SHB: variants seen among roughly 807,000 people sequenced by gnomAD.
The protein encoded by SHB is SH2 domain-containing adapter protein B.
Under a neutral mutation model 52.3 loss-of-function variants are expected in SHB, and 20 were observed. That is an observed-to-expected ratio of 0.38 (90% CI 0.27 to 0.56). The LOEUF is 0.56. SHB is among the 20% of genes least tolerant of loss of function. The pLI is 0.71. For synonymous variants in SHB, 397 were observed against 316.5 expected (o/e 1.25, Z -2.70); for missense variants, 825 against 723.3 (o/e 1.14, Z -1.61).
chr9:38,044,621 C>T (rs370243594), intron 1 of SHB, among the ~76,000 whole-genome samples: 7 of 152,364 alleles, frequency 4.6e-5, no homozygotes, highest in Admixed American at 2.0e-4. Context: ...CACCAAAAGG[C>T]AGGCAGCACA....
At chr9:38,037,857 T>C (rs530857707) in intron 1 of SHB, among the ~76,000 whole-genome samples, 42 of 152,164 alleles carry the variant, frequency 2.8e-4, no homozygotes, top group Non-Finnish European at 5.4e-4. Context: ...CATTGGGGGA[T>C]AGCCACAGGC....
At chr9:37,956,185 T>C (rs1222928364) in intron 3 of SHB, 131 bp from the exon 4 acceptor site, 2 of 787,384 alleles carry the variant, frequency 2.5e-6, no homozygotes, top group African/African-American at 3.5e-5. Flanking sequence ...TTTCAAGCAA[T>C]GACATAACAT....
intron 1 of SHB, among the ~76,000 whole-genome samples, chr9:38,029,115 C>T (rs576061505): frequency 3.3e-5 from 5 of 152,280 alleles, no homozygotes; most frequent in South Asian, 2.1e-4. Context: ...GATTCTAGTC[C>T]ACCACAGCCT....
intron 5 of SHB, among the ~76,000 whole-genome samples, chr9:37,927,234 G>A (rs1226367489): frequency 6.6e-6 from 1 of 152,230 alleles, no homozygotes; most frequent in African/African-American, 2.4e-5. Flanking sequence ...AATAGTCAAG[G>A]CAGCTGGGAT....
chr9:38,007,231 A>C (rs1162666879), intron 2 of SHB, among the ~76,000 whole-genome samples: 1 of 152,224 alleles, frequency 6.6e-6, no homozygotes, highest in Non-Finnish European at 1.5e-5. Context: ...AGAATGGGAG[A>C]GGCTGCTTAT....
chr9:38,036,153 T>G (rs1283275523), intron 1 of SHB, among the ~76,000 whole-genome samples: 1 of 152,058 alleles, frequency 6.6e-6, no homozygotes, highest in African/African-American at 2.4e-5. Flanking sequence ...ATACCAGGCC[T>G]TCTTGCTCAA....
intron 3 of SHB, among the ~76,000 whole-genome samples, chr9:37,961,253 GATTT>G (rs939309439): frequency 1.3e-5 from 2 of 152,170 alleles, no homozygotes; most frequent in African/African-American, 2.4e-5. Flanking sequence ...CTGCGCCTGG[GATTT>G]ATTTTTCTTT....
At chr9:37,979,447 C>T (rs1436966324) in intron 2 of SHB, among the ~76,000 whole-genome samples, 1 of 152,092 alleles carries the variant, frequency 6.6e-6, no homozygotes, top group East Asian at 1.9e-4. Context: ...AGGTGTGCTC[C>T]CCACAGACTG....
intron 4 of SHB, among the ~76,000 whole-genome samples, chr9:37,949,934 A>G (rs548229295): frequency 6.6e-6 from 1 of 152,130 alleles, no homozygotes; most frequent in African/African-American, 2.4e-5. Context: ...AATGGGAGCA[A>G]TGCTTTTCTT....
At chr9:38,044,913 T>C (rs1402497519) in intron 1 of SHB, among the ~76,000 whole-genome samples, 1 of 152,066 alleles carries the variant, frequency 6.6e-6, no homozygotes, top group Non-Finnish European at 1.5e-5. Flanking sequence ...GGTGTGGACA[T>C]GTGTACACAG....
At chr9:38,049,026 T>C (rs1007852443) in intron 1 of SHB, among the ~76,000 whole-genome samples, 8 of 151,870 alleles carry the variant, frequency 5.3e-5, no homozygotes, top group Non-Finnish European at 1.2e-4. Flanking sequence ...GAACATCCTT[T>C]TTATTTATTT....
At chr9:38,015,617 C>G (rs1564102306) in intron 2 of SHB, 1 of 603,022 alleles carries the variant, frequency 1.7e-6, no homozygotes, top group African/African-American at 1.9e-5. Context: ...GCCAGGTGAC[C>G]CAGCCTGCTT....
chr9:38,033,030 C>G (rs987054396), intron 1 of SHB, among the ~76,000 whole-genome samples: 5 of 152,158 alleles, frequency 3.3e-5, no homozygotes, highest in African/African-American at 1.2e-4. Context: ...TTTTTCTCAT[C>G]AGAACCAGCA....
chr9:38,007,795 T>A (rs752810374), intron 2 of SHB, among the ~76,000 whole-genome samples: 14 of 151,644 alleles, frequency 9.2e-5, no homozygotes, highest in Admixed American at 4.6e-4. Context: ...AAGTATGTAA[T>A]ATGCTAAATA....
chr9:38,049,152 C>G (rs1359534320), intron 1 of SHB, among the ~76,000 whole-genome samples: 1 of 152,242 alleles, frequency 6.6e-6, no homozygotes, highest in Non-Finnish European at 1.5e-5. Flanking sequence ...TCCCAATTAA[C>G]TGAGACCACA....
intron 1 of SHB, among the ~76,000 whole-genome samples, chr9:38,047,422 G>C (rs1017400776): frequency 6.6e-6 from 1 of 152,160 alleles, no homozygotes; most frequent in African/African-American, 2.4e-5. Flanking sequence ...CCTCCCCTTC[G>C]GTGCAGAAAA....
In SHB at chr9:37,984,684, A is replaced by T. The variant is rs576529967; in HGVS notation, c.839-9847T>A. On this transcript the variant is annotated intron_variant, in intron 2 of 5. Coordinates refer to ENST00000377707, the MANE Select transcript of SHB (RefSeq NM_003028.3). ...AAAGCACACCTGGCACCACGGAGTG[A>T]GCGATGAGCTCTGCGGGAGTGCCAG... Among the ~76,000 whole-genome samples the T allele has an allele frequency of 3.9e-5, 6 of 152,262 alleles. No individual in the cohort carries two copies. The South Asian group carries it at 1.0e-3, about 26-fold the overall frequency.
chr9:38,067,992 C>T lies in SHB; in HGVS notation c.654G>A (p.Lys218=), dbSNP rs1821993428. ...RTWSPTACGG[K]KLLNKCAASA... ...AGGCGGCGCACTTGTTGAGCAGTTT[C>T]TTGCCTCCGCAGGCCGTCGGGCTCC... The change falls in exon 1 of 6, where the codon AAG becomes AAA. Residue 218 remains lysine (K), a synonymous_variant. Transcript: ENST00000377707. 6.5e-7 allele frequency: 1 copy of T among 1,542,150 alleles called. No individual in the cohort carries two copies. Among genetic ancestry groups the T allele is most frequent in the Non-Finnish European group, 8.7e-7 (1 of 1,153,818 alleles).
intron 1 of SHB, among the ~76,000 whole-genome samples, chr9:38,023,655 C>A (rs1308753377): frequency 1.3e-5 from 2 of 152,186 alleles, no homozygotes; most frequent in Non-Finnish European, 2.9e-5. Flanking sequence ...TTTGTGAATG[C>A]CCTTTTTTCC....
Sources: gnomAD v4.1 joint callset for allele counts (sites outside exome capture counted in the v4.1 genomes callset) on GRCh38, gnomAD v4.1.1 for gene constraint, MANE v1.5 for transcripts, NCBI Gene and HGNC (gene_info 2026-07-23, HGNC 2026-07-21) for gene names.